Variants in TTC28 observed in about 807,000 individuals in gnomAD.
The protein encoded by TTC28 is tetratricopeptide repeat domain 28.
A neutral mutation model predicts 198.0 loss-of-function variants in TTC28; 61 were observed. The ratio of observed to expected loss-of-function variants is 0.31; its 90% confidence interval spans 0.25 to 0.38. The LOEUF (loss-of-function observed/expected upper bound fraction) is 0.38. Among genes scored for constraint, TTC28 ranks in the 10% least tolerant of loss-of-function variants. The probability of loss-of-function intolerance (pLI) is 1.00; values close to 1 mark genes in which losing one functional copy is unlikely to be tolerated. For synonymous variants in TTC28, 1,171 were observed against 1,297.8 expected, an observed-to-expected ratio of 0.90 and a Z score of 2.10; for missense variants, 2,678 against 3,164.0, an observed-to-expected ratio of 0.85 and a Z score of 3.69.
At chr22:28,272,289 T>G (rs1290104404) in intron 5 of TTC28, among the ~76,000 whole-genome samples, 1 of 152,196 alleles carries the variant, frequency 6.6e-6, no homozygotes, top group Non-Finnish European at 1.5e-5. Context: ...TTGAATTGAT[T>G]TTATAGAATG....
intron 7 of TTC28, among the ~76,000 whole-genome samples, chr22:28,106,659 G>T (rs995257694): frequency 3.3e-5 from 5 of 152,278 alleles, no homozygotes; most frequent in African/African-American, 1.2e-4. Context: ...AGGTGCAGAT[G>T]TTGTATTAAT....
chr22:28,010,961 G>A (rs1006606154), intron 14 of TTC28, among the ~76,000 whole-genome samples: 3 of 152,152 alleles, frequency 2.0e-5, no homozygotes, highest in Admixed American at 6.5e-5. Flanking sequence ...CAGAGATGAG[G>A]GGCAGTCCTT....
Position 28,347,539 on chromosome 22 carries a change from T to C in TTC28, c.382-40896A>G, listed in dbSNP as rs550655746. Among the ~76,000 whole-genome samples, 3 of 152,222 alleles carry C rather than the reference T, an allele frequency of 2.0e-5. No individual in the cohort carries two copies. In the South Asian group the frequency reaches 6.2e-4, roughly 32 times the overall value. On this transcript the variant is annotated intron_variant, in intron 2 of 22. Coordinates refer to ENST00000397906, the MANE Select transcript of TTC28 (RefSeq NM_001145418.2). ...GATCACCGCGTTTACACCTAACCCC[T>C]TTAGGAGCAGGTAAGGCGCACTGAA...
intron 6 of TTC28, among the ~76,000 whole-genome samples, chr22:28,137,417 G>A (rs565758782): frequency 3.9e-5 from 6 of 152,216 alleles, no homozygotes; most frequent in South Asian, 4.1e-4. Context: ...TCTCAGAAGC[G>A]TACAGGTAGC....
chr22:28,180,536 T>C (rs1464741260), intron 5 of TTC28, among the ~76,000 whole-genome samples: 9 of 152,108 alleles, frequency 5.9e-5, no homozygotes, highest in Admixed American at 5.9e-4. Context: ...ATGCAGAGCC[T>C]CCCTTTAACA....
At chr22:28,508,516 C>T (rs563863824) in intron 2 of TTC28, among the ~76,000 whole-genome samples, 123 of 152,100 alleles carry the variant, frequency 8.1e-4, no homozygotes, top group African/African-American at 2.8e-3. Context: ...AACTCCTGAC[C>T]TTAGGTGATC....
chr22:28,267,071 T>C (rs1480577573), intron 5 of TTC28, among the ~76,000 whole-genome samples: 1 of 152,198 alleles, frequency 6.6e-6, no homozygotes, highest in African/African-American at 2.4e-5. Flanking sequence ...CAATATTGAA[T>C]TGCTAGGATT....
intron 13 of TTC28, among the ~76,000 whole-genome samples, chr22:28,020,887 C>T (rs1410488798): frequency 6.6e-6 from 1 of 152,124 alleles, no homozygotes; most frequent in African/African-American, 2.4e-5. Flanking sequence ...GCCAAACAAG[C>T]TCCTTCAGGC....
intron 6 of TTC28, among the ~76,000 whole-genome samples, chr22:28,119,962 C>G (rs1221678351): frequency 6.6e-6 from 1 of 152,112 alleles, no homozygotes; most frequent in Non-Finnish European, 1.5e-5. Context: ...TCCTCCTCAC[C>G]AATTTATCTG....
At chr22:28,086,992 C>T (rs1292521642) in intron 12 of TTC28, among the ~76,000 whole-genome samples, 1 of 152,150 alleles carries the variant, frequency 6.6e-6, no homozygotes, top group East Asian at 1.9e-4. Context: ...AGACCAATAA[C>T]AGGCTCCGAA....
chr22:28,529,569 A>G (rs889899336), intron 2 of TTC28, among the ~76,000 whole-genome samples: 5 of 152,342 alleles, frequency 3.3e-5, no homozygotes, highest in Non-Finnish European at 5.9e-5. Flanking sequence ...TGGTTCTCCC[A>G]GCATGGAGTT....
At position 28,110,611 on chromosome 22, in the gene TTC28, C is replaced by T. The variant is rs563361655; in HGVS notation, c.1442-2208G>A. On this transcript the variant is annotated intron_variant, in intron 6 of 22. Coordinates refer to ENST00000397906, the MANE Select transcript of TTC28 (RefSeq NM_001145418.2). ...AAATAAGTACATAAATCATGGTACACTTATACAATGGAATAAACATGGTGA... is the reference window on the plus strand; with the variant it reads ...AAATAAGTACATAAATCATGGTACATTTATACAATGGAATAAACATGGTGA... Among the ~76,000 whole-genome samples the T allele has an allele frequency of 1.8e-3, 280 of 152,140 alleles. 1 individual carries two copies. Among genetic ancestry groups the T allele is most frequent in the Non-Finnish European group, 3.0e-3 (204 of 67,992 alleles).
intron 5 of TTC28, among the ~76,000 whole-genome samples, chr22:28,179,353 C>T (rs1923485325): frequency 6.6e-6 from 1 of 151,774 alleles, no homozygotes; most frequent in Non-Finnish European, 1.5e-5. Flanking sequence ...TTAATAGAGA[C>T]AGGGTTTCAC....
chr22:28,398,778 C>T (rs2046855667), intron 2 of TTC28, among the ~76,000 whole-genome samples: 1 of 152,142 alleles, frequency 6.6e-6, no homozygotes, highest in Non-Finnish European at 1.5e-5. Flanking sequence ...ACCTACCCCC[C>T]AAATAAGGTA....
intron 21 of TTC28, among the ~76,000 whole-genome samples, chr22:27,989,302 A>G (rs1937316697): frequency 6.6e-6 from 1 of 152,132 alleles, no homozygotes; most frequent in South Asian, 2.1e-4. Context: ...AGTTTTGAGT[A>G]CCCGTTGACA....
intron 5 of TTC28, among the ~76,000 whole-genome samples, chr22:28,280,543 G>C (rs1265624262): frequency 2.0e-5 from 3 of 152,088 alleles, no homozygotes; most frequent in Non-Finnish European, 4.4e-5. Flanking sequence ...TCACCATGCT[G>C]GTCAGGCTGG....
At chr22:28,077,606 C>T (rs1257356880) in intron 12 of TTC28, among the ~76,000 whole-genome samples, 1 of 152,132 alleles carries the variant, frequency 6.6e-6, no homozygotes, top group African/African-American at 2.4e-5. Context: ...CGCTTGTTAT[C>T]AGTGTAGAAT....
At chr22:28,357,792 A>T (rs902817274) in intron 2 of TTC28, among the ~76,000 whole-genome samples, 1 of 152,158 alleles carries the variant, frequency 6.6e-6, no homozygotes, top group Non-Finnish European at 1.5e-5. Flanking sequence ...TTGACCCACC[A>T]ATGTGGACCC....
chr22:28,131,397 T>C (rs891219160), intron 6 of TTC28, among the ~76,000 whole-genome samples: 8 of 152,184 alleles, frequency 5.3e-5, no homozygotes, highest in Admixed American at 2.0e-4. Context: ...TGATGGGCTA[T>C]GAAAAACAAA....
Sources: allele counts gnomAD v4.1 joint callset (sites outside exome capture counted in the v4.1 genomes callset), GRCh38; gene constraint gnomAD v4.1.1; transcripts MANE v1.5; gene names NCBI Gene and HGNC (gene_info 2026-07-23, HGNC 2026-07-21).